Variants in TXLNB observed in about 807,000 individuals in gnomAD.
TXLNB encodes the protein taxilin beta, also known as beta-taxilin.
Under a neutral mutation model 57.4 loss-of-function variants are expected in TXLNB, and 37 were observed. The ratio of observed to expected loss-of-function variants is 0.64; its 90% CI spans 0.50 to 0.85. The LOEUF is 0.85. Ranked by LOEUF, TXLNB falls within the 40% of genes least tolerant of loss-of-function variation. The pLI, the probability that TXLNB is intolerant of heterozygous loss-of-function variation, is 0.00. For missense variants in TXLNB, 848 were observed against 825.6 expected (o/e 1.03, Z -0.33); for synonymous variants, 302 against 309.6 (o/e 0.98, Z 0.26).
At chr6:139,286,471 A>C (rs1486597688) in intron 2 of TXLNB, among the ~76,000 whole-genome samples, 5 of 151,756 alleles carry the variant, frequency 3.3e-5, no homozygotes, top group East Asian at 1.9e-4. Flanking sequence ...AATCAAGCTA[A>C]AACAGATGAA....
At chr6:139,209,785 A>C in the TXLNB span, among the ~76,000 whole-genome samples, 5 of 152,088 alleles carry the variant, frequency 3.3e-5, no homozygotes, top group African/African-American at 1.2e-4. Flanking sequence ...CATTGGAAAA[A>C]CTCTTTTAGA....
the TXLNB span, among the ~76,000 whole-genome samples, chr6:139,310,383 CA>C: frequency 2.0e-5 from 3 of 152,180 alleles, no homozygotes; most frequent in Non-Finnish European, 4.4e-5. Context: ...AAAAGGTGTG[CA>C]ACATCACTAA....
upstream of TXLNB, chr6:139,292,242 A>G (rs1777319053): frequency 6.6e-6 from 1 of 152,214 alleles, no homozygotes; most frequent in Admixed American, 6.5e-5. The surrounding 1 kb of genome is among the most constrained non-coding windows in gnomAD (Gnocchi z 4.0). Context: ...AGCAGAGAGA[A>G]GCAGCTGGAA....
At chr6:139,288,266 C>T (rs531488625) in intron 2 of TXLNB, among the ~76,000 whole-genome samples, 31 of 152,162 alleles carry the variant, frequency 2.0e-4, no homozygotes, top group Non-Finnish European at 3.5e-4. Flanking sequence ...TAGGAGGCCA[C>T]GGAACAAAGG....
the TXLNB span, chr6:139,179,719 A>G: frequency 6.6e-6 from 1 of 152,198 alleles, no homozygotes; most frequent in Admixed American, 6.5e-5. Context: ...TAATACCCCA[A>G]GCTTGCCCTG....
the TXLNB span, among the ~76,000 whole-genome samples, chr6:139,188,206 C>A: frequency 1.3e-5 from 2 of 152,124 alleles, no homozygotes. Context: ...AGTGGCTTTA[C>A]TTTATGTCTC....
chr6:139,199,101 G>T, the TXLNB span, among the ~76,000 whole-genome samples: 1 of 151,510 alleles, frequency 6.6e-6, no homozygotes, highest in Non-Finnish European at 1.5e-5. Flanking sequence ...CCTGACTGGT[G>T]TAGCCTACAG....
the TXLNB span, chr6:139,176,910 T>C: frequency 1.2e-6 from 1 of 851,990 alleles, no homozygotes; most frequent in Non-Finnish European, 2.1e-6. This position sits in a 1 kb window ranked among gnomAD's most constrained non-coding sequence, Gnocchi z 4.5. Flanking sequence ...AGTGGAGGGG[T>C]GTTGTGGCTG....
At chr6:139,210,528 G>C in the TXLNB span, among the ~76,000 whole-genome samples, 1 of 152,208 alleles carries the variant, frequency 6.6e-6, no homozygotes, top group Non-Finnish European at 1.5e-5. Flanking sequence ...AATAGGAACA[G>C]CTCCAGTCTA....
chr6:139,252,074 C>G (rs1776220604), intron 7 of TXLNB, among the ~76,000 whole-genome samples: 3 of 152,236 alleles, frequency 2.0e-5, no homozygotes, highest in Non-Finnish European at 4.4e-5. Context: ...TTGATCATCT[C>G]TGACATTTAT....
At chr6:139,175,949 CAGTG>C in the TXLNB span, among the ~76,000 whole-genome samples, 69 of 152,264 alleles carry the variant, frequency 4.5e-4, no homozygotes, top group African/African-American at 1.7e-3. Context: ...TTAAAAAAAT[CAGTG>C]AGGATACAAG....
At chr6:139,308,867 A>G in the TXLNB span, among the ~76,000 whole-genome samples, 2 of 152,258 alleles carry the variant, frequency 1.3e-5, no homozygotes, top group Non-Finnish European at 2.9e-5. Flanking sequence ...AAACCAAAGT[A>G]GTAAAACAAC....
At chr6:139,319,942 A>AG in the TXLNB span, among the ~76,000 whole-genome samples, 1 of 152,188 alleles carries the variant, frequency 6.6e-6, no homozygotes, top group African/African-American at 2.4e-5. Flanking sequence ...GTAAAAAAAA[A>AG]GTTATTAAAA....
chr6:139,240,669 T>C lies in TXLNB; in HGVS notation c.*1857A>G, dbSNP rs184129272. ...GGCTGGATACCCTGTGGTTATAATATTTTAAGCCTTTAAAAATATACAGAT... is the reference window on the plus strand; with the variant it reads ...GGCTGGATACCCTGTGGTTATAATACTTTAAGCCTTTAAAAATATACAGAT... On this transcript the variant is annotated 3_prime_UTR_variant, in exon 10 of 10. Coordinates refer to ENST00000358430, the MANE Select transcript of TXLNB (RefSeq NM_153235.4). 6.5e-6 allele frequency: 1 copy of C among 152,704 alleles called. No individual in the cohort carries two copies. The highest frequency in any genetic ancestry group is 1.5e-5 in the Non-Finnish European group (1 of 68,052). The allele number at this position is 152,704 out of a possible 1,614,324, so 9.5% of individuals were successfully genotyped here.
chr6:139,280,513 C>T lies in TXLNB; in HGVS notation c.425-3592G>A, dbSNP rs773078972. 3.1e-4 allele frequency among the ~76,000 whole-genome samples: 47 copies of T among 150,760 alleles called. 1 individual carries two copies. Among genetic ancestry groups the T allele is most frequent in the Non-Finnish European group, 2.2e-4 (15 of 67,744 alleles). On this transcript the variant is annotated intron_variant, in intron 2 of 9. Coordinates refer to ENST00000358430, the MANE Select transcript of TXLNB (RefSeq NM_153235.4). ...TACAAAAATTAGCTGGGCGTGGTGG[C>T]GCACGCCTGTAGTCCCAGCTACTTG...
the TXLNB span, among the ~76,000 whole-genome samples, chr6:139,176,685 G>A: frequency 6.6e-6 from 1 of 152,296 alleles, no homozygotes; most frequent in East Asian, 1.9e-4. This position sits in a 1 kb window ranked among gnomAD's most constrained non-coding sequence, Gnocchi z 4.5. Context: ...CTTATTGTTA[G>A]GGAACTTCAG....
chr6:139,237,936 C>T (rs1775854632), downstream of TXLNB, among the ~76,000 whole-genome samples: 1 of 152,126 alleles, frequency 6.6e-6, no homozygotes, highest in African/African-American at 2.4e-5. Flanking sequence ...ATCTCCTGGC[C>T]AGGTGAAGTA....
chr6:139,159,757 G>T, the TXLNB span, among the ~76,000 whole-genome samples: 3 of 152,206 alleles, frequency 2.0e-5, no homozygotes, highest in Admixed American at 2.0e-4. Context: ...TTACAAGGAT[G>T]AATGTGACTA....
chr6:139,202,809 C>T, the TXLNB span, among the ~76,000 whole-genome samples: 3 of 152,158 alleles, frequency 2.0e-5, no homozygotes, highest in Admixed American at 2.0e-4. Flanking sequence ...TTTATTCCTT[C>T]TATCTAGCTG....
Sources: gnomAD v4.1 joint callset for allele counts (sites outside exome capture counted in the v4.1 genomes callset) on GRCh38, gnomAD v4.1.1 for gene constraint, Gnocchi (gnomAD v3.1) non-coding constraint, MANE v1.5 for transcripts, NCBI Gene and HGNC (gene_info 2026-07-23, HGNC 2026-07-21) for gene names.